The following VOPP1 variants were observed in gnomAD, a reference collection of about 807,000 sequenced individuals.
VOPP1 encodes VOPP1 WW domain binding protein, also known as WW domain binding protein VOPP1.
In VOPP1, 8 loss-of-function variants were observed where a neutral mutation model predicts 23.5. That is an observed-to-expected ratio of 0.34 (90% CI 0.20 to 0.61). The LOEUF (loss-of-function observed/expected upper bound fraction) is 0.61. Among genes scored for constraint, VOPP1 ranks in the 20% least tolerant of loss-of-function variants. The pLI, the probability that VOPP1 is intolerant of heterozygous loss-of-function variation, is 0.78. For missense variants in VOPP1, 174 were observed against 238.1 expected (o/e 0.73, Z 1.77); for synonymous variants, 83 against 97.3 (o/e 0.85, Z 0.86).
chr7:55,541,136 G>A (rs1401213666), intron 1 of VOPP1, among the ~76,000 whole-genome samples: 1 of 152,166 alleles, frequency 6.6e-6, no homozygotes, highest in Non-Finnish European at 1.5e-5. Flanking sequence ...ACTGCTAGTG[G>A]GTACAGGGTT....
intron 4 of VOPP1, among the ~76,000 whole-genome samples, chr7:55,481,768 A>G (rs1294895391): frequency 6.6e-6 from 1 of 152,182 alleles, no homozygotes. Context: ...AGGGGACACG[A>G]AGGAAGTACT....
intron 2 of VOPP1, among the ~76,000 whole-genome samples, chr7:55,513,374 G>A (rs1795205510): frequency 6.6e-6 from 1 of 152,256 alleles, no homozygotes; most frequent in Non-Finnish European, 1.5e-5. Flanking sequence ...CCAGCGGTTT[G>A]ACAACATGCA....
chr7:55,537,295 T>C (rs1322486737), intron 1 of VOPP1, among the ~76,000 whole-genome samples: 1 of 152,190 alleles, frequency 6.6e-6, no homozygotes, highest in Non-Finnish European at 1.5e-5. Flanking sequence ...GGAATCTCAC[T>C]GACGTCTCTC....
intron 4 of VOPP1, among the ~76,000 whole-genome samples, chr7:55,485,439 G>A (rs1259969156): frequency 6.6e-6 from 1 of 152,380 alleles, no homozygotes; most frequent in Non-Finnish European, 1.5e-5. Context: ...AAGGCAGATA[G>A]AATGGAAATG....
At chr7:55,565,940 C>T (rs1470366899) in intron 1 of VOPP1, among the ~76,000 whole-genome samples, 1 of 152,186 alleles carries the variant, frequency 6.6e-6, no homozygotes, top group Non-Finnish European at 1.5e-5. Flanking sequence ...ACTGGATTCA[C>T]CCCAGCCCAC....
At chr7:55,465,910 C>T (rs977610312), downstream of VOPP1, among the ~76,000 whole-genome samples, 6 of 152,172 alleles carry the variant, frequency 3.9e-5, no homozygotes. Flanking sequence ...CACTGAGAAC[C>T]GCTATGGACT....
intron 2 of VOPP1, among the ~76,000 whole-genome samples, chr7:55,515,641 C>T (rs1197678929): frequency 6.6e-6 from 1 of 152,190 alleles, no homozygotes; most frequent in Non-Finnish European, 1.5e-5. Flanking sequence ...ACTGAAGCCG[C>T]AGGCTGAATA....
At chr7:55,446,861 A>C (rs890621748) in intron 4 of VOPP1, among the ~76,000 whole-genome samples, 1 of 152,252 alleles carries the variant, frequency 6.6e-6, no homozygotes, top group African/African-American at 2.4e-5. Context: ...ACAGGAATTT[A>C]TTCTTTCAGA....
At chr7:55,500,387 C>G (rs986962096) in intron 2 of VOPP1, among the ~76,000 whole-genome samples, 1 of 152,258 alleles carries the variant, frequency 6.6e-6, no homozygotes, top group Admixed American at 6.5e-5. Flanking sequence ...CAGGCACCAA[C>G]AGCAATCCCA....
intron 1 of VOPP1, among the ~76,000 whole-genome samples, chr7:55,540,446 A>AAAT (rs1797079412): frequency 7.3e-6 from 1 of 137,160 alleles, no homozygotes; most frequent in Non-Finnish European, 1.6e-5. Flanking sequence ...AATAAATAAA[A>AAAT]ATAAATGAAC....
At chr7:55,534,334 C>A (rs1796659474) in intron 1 of VOPP1, among the ~76,000 whole-genome samples, 1 of 152,168 alleles carries the variant, frequency 6.6e-6, no homozygotes, top group African/African-American at 2.4e-5. Context: ...ATTTCCTAAA[C>A]CCTCGGGTCT....
intron 2 of VOPP1, among the ~76,000 whole-genome samples, chr7:55,512,809 A>G (rs1795167112): frequency 6.6e-6 from 1 of 152,220 alleles, no homozygotes; most frequent in Admixed American, 6.5e-5. Context: ...GGGCCTCCCC[A>G]TCAGGCTCAG....
At chr7:55,547,364 T>C (rs1797411624) in intron 1 of VOPP1, among the ~76,000 whole-genome samples, 1 of 152,186 alleles carries the variant, frequency 6.6e-6, no homozygotes, top group Non-Finnish European at 1.5e-5. Context: ...TCCAAGGCTT[T>C]CTAAGGTTGA....
intron 1 of VOPP1, among the ~76,000 whole-genome samples, chr7:55,549,007 G>GA (rs1162298900): frequency 6.6e-6 from 1 of 152,168 alleles, no homozygotes; most frequent in Non-Finnish European, 1.5e-5. Context: ...CCTGAGGGCA[G>GA]ACCCACCTAT....
chr7:55,541,846 TG>T (rs947314747), intron 1 of VOPP1, among the ~76,000 whole-genome samples: 1 of 152,210 alleles, frequency 6.6e-6, no homozygotes, highest in African/African-American at 2.4e-5. Context: ...TTATATGACA[TG>T]TCCAGAAAGA....
Position 55,532,890 on chromosome 7 carries a change from A to G in VOPP1, c.55-11760T>C, listed in dbSNP as rs571655025. ...AATATTTAACCTGGAGTCAAAAAGC[A>G]ATTTCTTGTGCTTAGAAGACTTTCT... On this transcript the variant is annotated intron_variant, in intron 1 of 4. Coordinates refer to ENST00000285279, the MANE Select transcript of VOPP1 (RefSeq NM_030796.5). Among the ~76,000 whole-genome samples the G allele has an allele frequency of 6.6e-5, 10 of 152,344 alleles. No individual in the cohort carries two copies. In the South Asian group the frequency reaches 2.1e-3, roughly 32 times the overall value.
At chr7:55,478,954 T>C (rs1792480697) in intron 4 of VOPP1, among the ~76,000 whole-genome samples, 1 of 151,960 alleles carries the variant, frequency 6.6e-6, no homozygotes, top group Non-Finnish European at 1.5e-5. Flanking sequence ...GGGGAAGAGC[T>C]GAGGGGGGCA....
rs147519027 is a variant in VOPP1 at position 55,561,433 on chromosome 7, G to A, written c.54+10838C>T. Among the ~76,000 whole-genome samples the A allele has an allele frequency of 3.1e-3, 469 of 152,160 alleles. 3 individuals are homozygous for A. Among genetic ancestry groups the A allele is most frequent in the African/African-American group, 0.011 (443 of 41,510 alleles). ...GTCTAAAGAATTTACAGACCAGGCC[G>A]GGCACGGTGACTCATACCTGTAGTC... On this transcript the variant is annotated intron_variant, in intron 1 of 4. Transcript: ENST00000285279.
At chr7:55,482,341 G>T (rs1281795933) in intron 4 of VOPP1, among the ~76,000 whole-genome samples, 1 of 123,836 alleles carries the variant, frequency 8.1e-6, no homozygotes, top group African/African-American at 3.0e-5. Context: ...GAGGAAGAAG[G>T]GAGGTATTTT....
Sources: gnomAD v4.1 joint callset for allele counts (sites outside exome capture counted in the v4.1 genomes callset) on GRCh38, gnomAD v4.1.1 for gene constraint, MANE v1.5 for transcripts, NCBI Gene and HGNC (gene_info 2026-07-23, HGNC 2026-07-21) for gene names.